Variants in SENP1 observed in about 807,000 individuals in gnomAD.
The protein encoded by SENP1 is sentrin-specific protease 1.
In SENP1, 21 loss-of-function variants were observed where a neutral mutation model predicts 93.0. That is an observed-to-expected ratio of 0.23 (90% CI 0.16 to 0.33). The LOEUF is 0.33. SENP1 is among the 10% of genes least tolerant of loss of function. SENP1 has a pLI of 1.00. For missense variants in SENP1, 591 were observed against 758.7 expected, an observed-to-expected ratio of 0.78 and a Z score of 2.60; for synonymous variants, 256 against 259.6, an observed-to-expected ratio of 0.99 and a Z score of 0.13.
At chr12:48,074,236 T>G (rs1009643001) in intron 8 of SENP1, 88 bp downstream of exon 8, 1 of 1,070,396 alleles carries the variant, frequency 9.3e-7, no homozygotes, top group Non-Finnish European at 1.4e-6. Flanking sequence ...TTTATTTATA[T>G]GTATATTACA....
chr12:48,068,426 T>A (rs551812892), intron 9 of SENP1, among the ~76,000 whole-genome samples: 7 of 152,210 alleles, frequency 4.6e-5, no homozygotes, highest in Non-Finnish European at 1.0e-4. Context: ...AAAATCCCTA[T>A]ACTATTTAAA....
At chr12:48,083,968 T>C (rs1323316986) in intron 5 of SENP1, among the ~76,000 whole-genome samples, 2 of 152,326 alleles carry the variant, frequency 1.3e-5, no homozygotes, top group South Asian at 2.1e-4. Context: ...AGATCTTACA[T>C]TGTCAAAATT....
intron 13 of SENP1, among the ~76,000 whole-genome samples, chr12:48,051,166 C>A (rs1050791663): frequency 2.0e-5 from 3 of 151,846 alleles, no homozygotes; most frequent in Non-Finnish European, 4.4e-5. Context: ...TTCCAGAAAC[C>A]AAGGAAGCTT....
rs1941263253 is a variant in SENP1, at chr12:48,045,054, G to A, written c.*268C>T. ...GGAGCCCTTTGAAAACAAGATGGCA[G>A]AACTGAAGAAGTGAAAAGCAGTCTC... On this transcript the variant is annotated 3_prime_UTR_variant, in exon 18 of 18. Transcript: ENST00000549518. 1 of 443,634 alleles carries A rather than the reference G, an allele frequency of 2.3e-6. No individual in the cohort carries two copies. Among genetic ancestry groups the A allele is most frequent in the African/African-American group, 1.9e-5 (1 of 51,948 alleles). The allele number at this position is 443,634 out of a possible 1,614,324, so 27.5% of individuals were successfully genotyped here. A position where few individuals can be genotyped will look rare whatever the true frequency, so the allele number is the denominator to read the frequency against.
chr12:48,053,412 A>C (rs1034089144), intron 13 of SENP1, among the ~76,000 whole-genome samples: 24 of 147,122 alleles, frequency 1.6e-4, no homozygotes, highest in Admixed American at 8.4e-4. Flanking sequence ...CGGGAGTTTG[A>C]GGCTGCAGTG....
chr12:48,097,765 G>A (rs1298016862), intron 3 of SENP1: 5 of 362,784 alleles, frequency 1.4e-5, no homozygotes, highest in East Asian at 4.6e-5. Context: ...GGAACAATGA[G>A]TTTTCTAAAA....
intron 13 of SENP1, chr12:48,055,158 A>C: frequency 3.9e-6 from 1 of 256,220 alleles, no homozygotes. Context: ...CACATTTGCC[A>C]CAGGTTGACT....
chr12:48,083,194 G>A (rs555166059), intron 6 of SENP1, among the ~76,000 whole-genome samples: 7 of 152,252 alleles, frequency 4.6e-5, no homozygotes, highest in South Asian at 4.2e-4. Context: ...CATGAGCCAC[G>A]TCACGTGGAC....
At chr12:48,067,840 G>C (rs1943402406) in intron 9 of SENP1, among the ~76,000 whole-genome samples, 1 of 151,714 alleles carries the variant, frequency 6.6e-6, no homozygotes, top group Non-Finnish European at 1.5e-5. Flanking sequence ...AACTAGAATA[G>C]TGCTTGGCAC....
At position 48,045,317 on chromosome 12, in the gene SENP1, A is replaced by T. The variant is rs1343050880; in HGVS notation, c.*5T>A. 10 of 1,612,842 alleles carry T rather than the reference A, an allele frequency of 6.2e-6. No individual in the cohort carries two copies. The highest frequency in any genetic ancestry group is 5.5e-5 in the South Asian group (5 of 91,006). On this transcript the variant is annotated 3_prime_UTR_variant, in exon 18 of 18. Coordinates refer to ENST00000549518, the MANE Select transcript of SENP1 (RefSeq NM_001267594.2). ...ATGGTCAAGGTCTGCTAAGTGAGACAGTCTTCACAAGAGTTTTCGGTGGAG... is the reference window on the plus strand; with the variant it reads ...ATGGTCAAGGTCTGCTAAGTGAGACTGTCTTCACAAGAGTTTTCGGTGGAG...
chr12:48,097,762 T>C, intron 3 of SENP1: 1 of 356,646 alleles, frequency 2.8e-6, no homozygotes, highest in South Asian at 5.6e-5. Context: ...AGAGGAACAA[T>C]GAGTTTTCTA....
At chr12:48,071,856 G>C in intron 8 of SENP1, 135 bp from the exon 9 acceptor site, 1 of 476,198 alleles carries the variant, frequency 2.1e-6, no homozygotes, top group Non-Finnish European at 3.8e-6. Context: ...GGTTAGATGG[G>C]AGAGAGAGAG....
At chr12:48,078,352 T>TAC (rs200961396) in intron 6 of SENP1, among the ~76,000 whole-genome samples, 5 of 137,048 alleles carry the variant, frequency 3.6e-5, no homozygotes, top group South Asian at 2.4e-4. Context: ...CATATATATA[T>TAC]ACACACACAC....
chr12:48,098,323 A>C (rs1287999418), intron 2 of SENP1, among the ~76,000 whole-genome samples, 199 bp from the exon 3 acceptor site: 2 of 151,506 alleles, frequency 1.3e-5, no homozygotes, highest in African/African-American at 4.9e-5. Flanking sequence ...CAACATAGTA[A>C]GACCCTGTCT....
intron 4 of SENP1, 111 bp from the exon 5 acceptor site, chr12:48,089,071 T>A (rs908553790): frequency 2.7e-5 from 42 of 1,539,644 alleles, no homozygotes; most frequent in Non-Finnish European, 3.6e-5. Context: ...TGTCACCATT[T>A]CTCTCATGGA....
chr12:48,085,919 T>C (rs746225724), intron 5 of SENP1, among the ~76,000 whole-genome samples: 3 of 152,092 alleles, frequency 2.0e-5, no homozygotes, highest in Non-Finnish European at 4.4e-5. Flanking sequence ...CTATGCATGT[T>C]TTTTTTAACA....
intron 13 of SENP1, among the ~76,000 whole-genome samples, chr12:48,062,957 A>G (rs1943056212): frequency 6.6e-6 from 1 of 152,212 alleles, no homozygotes. Context: ...CACAGCTGTG[A>G]AGCTTGAGTA....
At chr12:48,057,332 C>G (rs1051601964) in intron 13 of SENP1, among the ~76,000 whole-genome samples, 2 of 147,272 alleles carry the variant, frequency 1.4e-5, no homozygotes, top group African/African-American at 5.0e-5. Context: ...CAAGTTCAAG[C>G]GATTCTCGTG....
intron 1 of SENP1, 84 bp downstream of exon 1, chr12:48,105,944 G>A: frequency 4.3e-6 from 3 of 691,478 alleles, no homozygotes; most frequent in Non-Finnish European, 7.9e-6. Flanking sequence ...GTCCAGCCCG[G>A]GCCGGCTGAC....
Sources: gnomAD v4.1 joint callset for allele counts (sites outside exome capture counted in the v4.1 genomes callset) on GRCh38, gnomAD v4.1.1 for gene constraint, MANE v1.5 for transcripts, NCBI Gene and HGNC (gene_info 2026-07-23, HGNC 2026-07-21) for gene names.